LNPK: variants seen among roughly 807,000 people sequenced by gnomAD.
LNPK encodes endoplasmic reticulum junction formation protein lunapark.
In LNPK, 29 loss-of-function variants were observed where a neutral mutation model predicts 55.2. The observed-to-expected ratio is 0.53, with a 90% CI of 0.39 to 0.72. The LOEUF (loss-of-function observed/expected upper bound fraction) is 0.72, where lower values mean the gene tolerates loss of function less well. Among genes scored for constraint, LNPK ranks in the 30% least tolerant of loss-of-function variants. The probability of loss-of-function intolerance (pLI) is 0.00; values close to 1 mark genes in which losing one functional copy is unlikely to be tolerated. For missense variants in LNPK, 467 were observed against 494.8 expected (o/e 0.94, Z 0.53); for synonymous variants, 162 against 168.2 (o/e 0.96, Z 0.29).
intron 1 of LNPK, among the ~76,000 whole-genome samples, chr2:176,000,953 A>ATTACTATTTGAT (rs1286904938): frequency 6.6e-6 from 1 of 152,134 alleles, no homozygotes. Context: ...CCACCAAAAA[A>ATTACTATTTGAT]TTACTATTTG....
chr2:175,970,960 C>T (rs1378298335), intron 5 of LNPK, among the ~76,000 whole-genome samples, 156 bp from the exon 6 acceptor site: 2 of 151,986 alleles, frequency 1.3e-5, no homozygotes, highest in African/African-American at 4.8e-5. Context: ...TCCATCTTCA[C>T]CCACATATAG....
intron 12 of LNPK, among the ~76,000 whole-genome samples, chr2:175,932,709 T>C (rs1219047031): frequency 6.6e-6 from 1 of 152,186 alleles, no homozygotes; most frequent in Non-Finnish European, 1.5e-5. Context: ...GAATTACATA[T>C]AAATTTAATA....
Position 175,979,430 on chromosome 2 carries a change from G to A in LNPK, c.316+380C>T, listed in dbSNP as rs1385468953. ...AAAAATTAGCTGGAAGTGGTGGCAC[G>A]CACCTATAATCCCAGCTACTCTGGA... On this transcript the variant is annotated intron_variant, in intron 5 of 12. Transcript: ENST00000272748. Among the ~76,000 whole-genome samples the A allele has an allele frequency of 4.6e-5, 7 of 152,048 alleles. 1 individual carries two copies. The highest frequency in any genetic ancestry group is 4.2e-4 in the South Asian group (2 of 4,810).
intron 6 of LNPK, among the ~76,000 whole-genome samples, chr2:175,966,426 T>C (rs1686355833): frequency 6.6e-6 from 1 of 152,186 alleles, no homozygotes. Context: ...GACAGATAAC[T>C]CTAGACTAAA....
intron 8 of LNPK, among the ~76,000 whole-genome samples, chr2:175,954,863 G>A (rs1247482360): frequency 6.6e-6 from 1 of 152,158 alleles, no homozygotes; most frequent in Non-Finnish European, 1.5e-5. Context: ...AGGGGATTCA[G>A]AGTTGCATAT....
At chr2:175,994,585 C>T (rs1240992563) in intron 2 of LNPK, among the ~76,000 whole-genome samples, 1 of 152,106 alleles carries the variant, frequency 6.6e-6, no homozygotes, top group Non-Finnish European at 1.5e-5. Flanking sequence ...TGCAGTGGCA[C>T]AATCTCGGCT....
At chr2:175,982,589 C>T (rs917595156) in intron 4 of LNPK, among the ~76,000 whole-genome samples, 2 of 152,112 alleles carry the variant, frequency 1.3e-5, no homozygotes, top group African/African-American at 4.8e-5. Flanking sequence ...GAGACAGGAT[C>T]TCACCATGTT....
At chr2:175,975,306 C>T (rs1437083500) in intron 5 of LNPK, among the ~76,000 whole-genome samples, 1 of 152,070 alleles carries the variant, frequency 6.6e-6, no homozygotes, top group Non-Finnish European at 1.5e-5. Context: ...CCCATTTAAG[C>T]AAGAAAAATA....
chr2:175,978,216 T>G (rs1458567018), intron 5 of LNPK, among the ~76,000 whole-genome samples: 1 of 152,004 alleles, frequency 6.6e-6, no homozygotes, highest in Non-Finnish European at 1.5e-5. Flanking sequence ...ATATAGCAAC[T>G]ATTTATATAG....
At chr2:175,959,103 A>G (rs1016149976) in intron 8 of LNPK, among the ~76,000 whole-genome samples, 2 of 152,224 alleles carry the variant, frequency 1.3e-5, no homozygotes. Context: ...GGTGTACCTG[A>G]AAGTGATGGG....
At chr2:175,997,671 GTACT>G (rs1687991032) in intron 1 of LNPK, among the ~76,000 whole-genome samples, 1 of 150,776 alleles carries the variant, frequency 6.6e-6, no homozygotes, top group South Asian at 2.1e-4. Context: ...CACTTAGTAA[GTACT>G]TCATTTCTAG....
chr2:175,969,991 T>C (rs1053221639), intron 6 of LNPK, among the ~76,000 whole-genome samples: 1 of 152,222 alleles, frequency 6.6e-6, no homozygotes, highest in Non-Finnish European at 1.5e-5. Flanking sequence ...ACTTGTTACA[T>C]ACTAGACTAA....
Position 175,998,437 on chromosome 2 carries a change from C to T in LNPK, c.-62-2791G>A, listed in dbSNP as rs1475949316. ...CAGCCTGGGTCACAGAGCGAGACTC[C>T]GTCTCACAAAAAAAAAAAAAAAAGA... On this transcript the variant is annotated intron_variant, in intron 1 of 12. Transcript: ENST00000272748. Among the ~76,000 whole-genome samples the T allele has an allele frequency of 3.5e-4, 46 of 130,824 alleles. 2 individuals are homozygous for T. The highest frequency in any genetic ancestry group is 1.6e-3 in the Admixed American group (19 of 11,896). The allele number at this position is 130,824 out of a possible 152,430, so 85.8% of individuals were successfully genotyped here. A position where few individuals can be genotyped will look rare whatever the true frequency, so the allele number is the denominator to read the frequency against.
intron 9 of LNPK, among the ~76,000 whole-genome samples, chr2:175,940,160 C>T (rs1684756324): frequency 6.6e-6 from 1 of 152,000 alleles, no homozygotes; most frequent in Non-Finnish European, 1.5e-5. Context: ...AAAAACAAAA[C>T]ATGCCCTACA....
intron 12 of LNPK, among the ~76,000 whole-genome samples, chr2:175,931,580 T>C (rs1684281610): frequency 6.6e-6 from 1 of 152,186 alleles, no homozygotes; most frequent in South Asian, 2.1e-4. Context: ...TTCTATAGTT[T>C]TACTATATGA....
upstream of LNPK, chr2:176,002,279 A>C (rs1271277350): frequency 6.8e-6 from 3 of 442,350 alleles, no homozygotes; most frequent in East Asian, 8.0e-5. Flanking sequence ...AGCCGGGCCA[A>C]CTCCTTCCCA....
chr2:175,994,192 A>T (rs1371810453), intron 2 of LNPK: 1 of 981,710 alleles, frequency 1.0e-6, no homozygotes, highest in African/African-American at 1.7e-5. Context: ...TAGTTTCCAT[A>T]AGAGTTGTTA....
chr2:175,934,494 T>A (rs1272363824), intron 12 of LNPK, among the ~76,000 whole-genome samples: 2 of 152,134 alleles, frequency 1.3e-5, no homozygotes, highest in African/African-American at 4.8e-5. Flanking sequence ...AATAACTGCA[T>A]GAGACCTAGA....
intron 4 of LNPK, among the ~76,000 whole-genome samples, chr2:175,988,961 G>C (rs192399921): frequency 2.0e-5 from 3 of 152,156 alleles, no homozygotes; most frequent in Non-Finnish European, 4.4e-5. Context: ...ATTTTTAGTA[G>C]AGATGGGGTT....
Sources: allele counts gnomAD v4.1 joint callset (sites outside exome capture counted in the v4.1 genomes callset), GRCh38; gene constraint gnomAD v4.1.1; transcripts MANE v1.5; gene names NCBI Gene and HGNC (gene_info 2026-07-23, HGNC 2026-07-21).